The following UBE2D4 variants were observed in gnomAD, a reference collection of about 807,000 sequenced individuals.
The protein encoded by UBE2D4 is ubiquitin conjugating enzyme E2 D4.
UBE2D4 carries 17 observed loss-of-function variants against 23.0 expected under a neutral mutation model. The observed-to-expected ratio is 0.74, with a 90% confidence interval of 0.51 to 1.11. The LOEUF (loss-of-function observed/expected upper bound fraction) is 1.11, where lower values mean the gene tolerates loss of function less well. UBE2D4 is among the 50% of genes least tolerant of loss of function. The pLI is 0.00. For missense variants in UBE2D4, 139 were observed against 181.8 expected (o/e 0.76, Z 1.35); for synonymous variants, 61 against 69.4 (o/e 0.88, Z 0.60).
At chr7:43,945,630 T>A (rs1387659570) in intron 4 of UBE2D4, among the ~76,000 whole-genome samples, 5 of 150,696 alleles carry the variant, frequency 3.3e-5, no homozygotes, top group Admixed American at 6.7e-5. Flanking sequence ...CTTCTCATAT[T>A]CGAAAGTAAG....
At position 43,933,013 on chromosome 7, in the gene UBE2D4, T is replaced by TATATATATACACAC. The variant is rs1340458201; in HGVS notation, c.25-5417_25-5416insTATATATACACACA. On this transcript the variant is annotated intron_variant, in intron 1 of 6. Coordinates refer to ENST00000222402, the MANE Select transcript of UBE2D4 (RefSeq NM_015983.4). ...ATATATATATATATATATATATATA[T>TATATATATACACAC]ACACACACATATATATACACATATG... 1.9e-4 allele frequency among the ~76,000 whole-genome samples: 22 copies of TATATATATACACAC among 116,648 alleles called. 1 individual carries two copies. Among genetic ancestry groups the TATATATATACACAC allele is most frequent in the South Asian group, 9.0e-4 (3 of 3,344 alleles). The allele number at this position is 116,648 out of a possible 152,430, so 76.5% of individuals were successfully genotyped here.
intron 1 of UBE2D4, among the ~76,000 whole-genome samples, chr7:43,931,604 C>G (rs993590267): frequency 1.4e-4 from 2 of 14,404 alleles, no homozygotes; most frequent in African/African-American, 4.2e-4. Flanking sequence ...GGAAGGCAAA[C>G]CGGGGTGGGG....
chr7:43,931,282 G>GA (rs1000333526), intron 1 of UBE2D4, among the ~76,000 whole-genome samples: 8 of 151,980 alleles, frequency 5.3e-5, no homozygotes, highest in Non-Finnish European at 8.8e-5. Context: ...ACCAAAAATA[G>GA]AAAAAATTAG....
At chr7:43,950,752 AC>A in intron 6 of UBE2D4, 60 bp downstream of exon 6, 1 of 1,364,512 alleles carries the variant, frequency 7.3e-7, no homozygotes, top group Non-Finnish European at 1.0e-6. Flanking sequence ...TCCATGCAGT[AC>A]CTGTGCTCTG....
intron 1 of UBE2D4, among the ~76,000 whole-genome samples, chr7:43,928,806 G>A (rs1257381112): frequency 6.6e-6 from 1 of 152,142 alleles, no homozygotes; most frequent in Non-Finnish European, 1.5e-5. Flanking sequence ...GGAATCAGAA[G>A]TTTTGAAGGC....
chr7:43,927,363 A>G (rs567528008), intron 1 of UBE2D4, among the ~76,000 whole-genome samples: 1 of 140,176 alleles, frequency 7.1e-6, no homozygotes, highest in Admixed American at 7.7e-5. Flanking sequence ...CCCAGGCTGG[A>G]GTACAGTGGC....
intron 4 of UBE2D4, among the ~76,000 whole-genome samples, chr7:43,945,579 G>A (rs577913809): frequency 6.6e-6 from 1 of 151,954 alleles, no homozygotes; most frequent in African/African-American, 2.4e-5. Context: ...ACCCTTCCTG[G>A]GAAAAATTAC....
intron 5 of UBE2D4, chr7:43,949,075 T>C (rs1447115241): frequency 2.0e-5 from 8 of 392,406 alleles, no homozygotes; most frequent in Non-Finnish European, 3.6e-5. Context: ...CCCTCATTTA[T>C]TCATCTAATA....
At chr7:43,945,425 A>T (rs1426545199) in intron 4 of UBE2D4, among the ~76,000 whole-genome samples, 2 of 152,200 alleles carry the variant, frequency 1.3e-5, no homozygotes, top group African/African-American at 4.8e-5. Context: ...GTCTTTTAAA[A>T]ATCTCCTTCC....
Position 43,938,434 on chromosome 7 carries a change from T to C in UBE2D4, c.28T>C (p.Leu10=). ...GACCCACTCTCTCATGTTCTAGGAA[T>C]TAACCGACTTGCAGAGGGATCCTCC... MALKRIQKE[L]TDLQRDPPAQ... is the part of the protein sequence containing the mutation. The change falls in exon 2 of 7, where the codon TTA becomes CTA. Residue 10 remains leucine, a synonymous_variant. Coordinates refer to ENST00000222402, the MANE Select transcript of UBE2D4 (RefSeq NM_015983.4). 6.2e-7 allele frequency: 1 copy of C among 1,614,054 alleles called. No individual in the cohort carries two copies. The highest frequency in any genetic ancestry group is 8.5e-7 in the Non-Finnish European group (1 of 1,179,988).
At chr7:43,926,688 G>T in intron 1 of UBE2D4, 132 bp downstream of exon 1, 3 of 958,832 alleles carry the variant, frequency 3.1e-6, no homozygotes, top group Non-Finnish European at 4.3e-6. Context: ...GAAGGAGGCA[G>T]AACAGCCTCC....
intron 1 of UBE2D4, among the ~76,000 whole-genome samples, chr7:43,934,651 T>C (rs201846415): frequency 1.3e-5 from 2 of 150,912 alleles, no homozygotes; most frequent in Non-Finnish European, 3.0e-5. Flanking sequence ...TTTTTTTTTT[T>C]CCCACAAGAA....
chr7:43,931,605 C>T (rs867338116), intron 1 of UBE2D4, among the ~76,000 whole-genome samples: 9 of 7,728 alleles, frequency 1.2e-3, no homozygotes, highest in East Asian at 0.014. Flanking sequence ...GAAGGCAAAC[C>T]GGGGTGGGGG....
At chr7:43,949,120 A>G in intron 5 of UBE2D4, 1 of 314,414 alleles carries the variant, frequency 3.2e-6, no homozygotes, top group South Asian at 1.3e-4. Flanking sequence ...CCCTGAAGGA[A>G]GATACAGGGC....
chr7:43,926,564 CT>C lies in UBE2D4; in HGVS notation c.24+11del. Reference sequence around the variant, plus strand: ...CTAAAGCGGATCCAGAAGGTACGCACTTTCCCACCCTCCAACTCTTTGGGTG... The same window carrying C: ...CTAAAGCGGATCCAGAAGGTACGCACTTCCCACCCTCCAACTCTTTGGGTG... On this transcript the variant is annotated intron_variant, in intron 1 of 6. Coordinates refer to ENST00000222402, the MANE Select transcript of UBE2D4 (RefSeq NM_015983.4). The C allele has an allele frequency of 6.4e-7, 1 of 1,569,666 alleles. No individual in the cohort carries two copies. The highest frequency in any genetic ancestry group is 1.9e-5 in the Admixed American group (1 of 53,894).
intron 1 of UBE2D4, among the ~76,000 whole-genome samples, chr7:43,931,996 C>CT (rs759057335): frequency 0.016 from 2,173 of 139,308 alleles, 30 homozygotes; most frequent in Non-Finnish European, 0.025. Context: ...CCATGACACA[C>CT]TTTTTTTTTT....
rs1268357236 is a variant in UBE2D4 at position 43,926,493 on chromosome 7, G to A, written c.-40G>A. ...AGCCGGCAGCGGGCCGCCTCAGGCA[G>A]CCCCGGCCGGGCCGCCCGGGTCCCC... On this transcript the variant is annotated 5_prime_UTR_variant, in exon 1 of 7. Coordinates refer to ENST00000222402, the MANE Select transcript of UBE2D4 (RefSeq NM_015983.4). 6.7e-6 allele frequency: 10 copies of A among 1,483,818 alleles called. No homozygotes were observed. The highest frequency in any genetic ancestry group is 9.0e-6 in the Non-Finnish European group (10 of 1,114,478). 91.9% of individuals were successfully genotyped at this position (1,483,818 alleles called of 1,614,324 possible).
intron 1 of UBE2D4, among the ~76,000 whole-genome samples, chr7:43,929,869 C>T (rs149923171): frequency 7.2e-5 from 11 of 152,260 alleles, no homozygotes; most frequent in South Asian, 2.1e-4. Context: ...TCAAGCCTGC[C>T]GTGGTGAGAT....
Position 43,954,874 on chromosome 7 carries a change from A to G in UBE2D4, c.*2179A>G, listed in dbSNP as rs2096010314. The G allele has an allele frequency of 6.6e-6, 1 of 152,236 alleles. No individual in the cohort carries two copies. The highest frequency in any genetic ancestry group is 2.1e-4 in the South Asian group (1 of 4,832). 9.4% of individuals were successfully genotyped at this position (152,236 alleles called of 1,614,324 possible). On this transcript the variant is annotated 3_prime_UTR_variant, in exon 7 of 7. Coordinates refer to ENST00000222402, the MANE Select transcript of UBE2D4 (RefSeq NM_015983.4). The stretch of plus-strand genomic sequence containing the variant: ...TTAAGGCCCAACTTGGTGTTGGGGA[A>G]TAACCATACTCTGGTCTTTCAAGTG...
Sources: allele counts gnomAD v4.1 joint callset (sites outside exome capture counted in the v4.1 genomes callset), GRCh38; gene constraint gnomAD v4.1.1; transcripts MANE v1.5; gene names NCBI Gene and HGNC (gene_info 2026-07-23, HGNC 2026-07-21).